Variants in CUL5 observed in about 807,000 individuals in gnomAD.
CUL5 encodes cullin 5, also known as cullin-5.
CUL5 carries 26 observed loss-of-function variants against 108.8 expected under a neutral mutation model. The observed-to-expected ratio is 0.24, with a 90% confidence interval of 0.18 to 0.33. The LOEUF (loss-of-function observed/expected upper bound fraction) is 0.33. Ranked by LOEUF, CUL5 falls within the 10% of genes least tolerant of loss-of-function variation. CUL5 has a pLI of 1.00. For missense variants in CUL5, 524 were observed against 909.2 expected, an observed-to-expected ratio of 0.58 and a Z score of 5.45; for synonymous variants, 334 against 298.0, an observed-to-expected ratio of 1.12 and a Z score of -1.25.
intron 8 of CUL5, 129 bp from the exon 9 acceptor site, chr11:108,072,203 A>G (rs767366473): frequency 9.7e-6 from 7 of 721,730 alleles, no homozygotes; most frequent in Non-Finnish European, 1.4e-5. Flanking sequence ...AACAACAAAA[A>G]AACGAACAAC....
At chr11:108,043,535 T>C (rs1862987932) in intron 2 of CUL5, among the ~76,000 whole-genome samples, 1 of 152,224 alleles carries the variant, frequency 6.6e-6, no homozygotes, top group African/African-American at 2.4e-5. Context: ...TTTGTAAAGA[T>C]CACTTTAGCT....
At position 108,068,435 on chromosome 11, in the gene CUL5, C is replaced by T. The variant is rs543365609; in HGVS notation, c.781-1661C>T. On this transcript the variant is annotated intron_variant, in intron 7 of 18. Coordinates refer to ENST00000393094, the MANE Select transcript of CUL5 (RefSeq NM_003478.6). ...CTGAGCTTAACTGACCCTCCCACCTCAGCCCCCCAACTCGCAGGGACCACA... is the reference window on the plus strand; with the variant it reads ...CTGAGCTTAACTGACCCTCCCACCTTAGCCCCCCAACTCGCAGGGACCACA... 2.6e-5 allele frequency among the ~76,000 whole-genome samples: 4 copies of T among 152,228 alleles called. No homozygotes were observed. The South Asian group carries it at 8.3e-4, about 32-fold the overall frequency.
rs779286436 is a variant in CUL5, at chr11:108,097,644, A to G, written c.1914A>G (p.Val638=). Residue 638 remains valine (V), a synonymous_variant, in exon 17 of 19, where the codon GTA becomes GTG. Coordinates refer to ENST00000393094, the MANE Select transcript of CUL5 (RefSeq NM_003478.6). ...AELRRTLWSL[V]AFPKLKRQVL... ...CTCCTTATTCTTCATAGTCTTTAGT[A>G]GCTTTCCCAAAACTCAAACGGCAAG... is the stretch of plus-strand genomic sequence containing the variant. 1 of 1,601,718 alleles carries G rather than the reference A, an allele frequency of 6.2e-7. No homozygotes were observed. The highest frequency in any genetic ancestry group is 8.6e-7 in the Non-Finnish European group (1 of 1,169,000).
intron 2 of CUL5, among the ~76,000 whole-genome samples, chr11:108,042,544 T>G (rs1279247261): frequency 1.3e-5 from 2 of 151,930 alleles, no homozygotes; most frequent in African/African-American, 4.8e-5. Flanking sequence ...TACTGTCGAT[T>G]TTTTTTGATA....
At chr11:108,026,576 C>T (rs1862456559) in intron 1 of CUL5, among the ~76,000 whole-genome samples, 1 of 152,134 alleles carries the variant, frequency 6.6e-6, no homozygotes, top group Non-Finnish European at 1.5e-5. Flanking sequence ...GATCCCATTC[C>T]CTCTTGCCTA....
At chr11:108,085,756 T>C (rs1285244981) in intron 11 of CUL5, among the ~76,000 whole-genome samples, 3 of 151,868 alleles carry the variant, frequency 2.0e-5, no homozygotes, top group Admixed American at 2.0e-4. Context: ...ATCCATAGAG[T>C]AGACTAGATG....
At chr11:108,061,096 A>G (rs528233084) in intron 7 of CUL5, among the ~76,000 whole-genome samples, 5 of 152,218 alleles carry the variant, frequency 3.3e-5, no homozygotes, top group African/African-American at 9.6e-5. Context: ...AGGCAAACAT[A>G]CAGGAGTTGA....
chr11:108,081,302 G>C (rs1249124544), intron 11 of CUL5, among the ~76,000 whole-genome samples: 1 of 151,878 alleles, frequency 6.6e-6, no homozygotes, highest in Non-Finnish European at 1.5e-5. Flanking sequence ...ACAACAACAA[G>C]AAAGAGTTTT....
chr11:108,033,336 C>T (rs530034735), intron 1 of CUL5, among the ~76,000 whole-genome samples: 7 of 152,130 alleles, frequency 4.6e-5, no homozygotes, highest in Admixed American at 6.5e-5. Context: ...TTTCAGTCTC[C>T]GTGTTGAGTG....
intron 1 of CUL5, among the ~76,000 whole-genome samples, chr11:108,030,543 A>G (rs1258914164): frequency 6.6e-6 from 1 of 152,222 alleles, no homozygotes; most frequent in African/African-American, 2.4e-5. Flanking sequence ...AAGCTGAGGC[A>G]GGAGAATCGC....
Position 108,010,960 on chromosome 11 carries a change from A to G in CUL5, c.24+1588A>G, listed in dbSNP as rs1380645408. Among the ~76,000 whole-genome samples the G allele has an allele frequency of 2.0e-5, 3 of 152,234 alleles. No homozygotes were observed. The South Asian group carries it at 6.2e-4, about 32-fold the overall frequency. On this transcript the variant is annotated intron_variant, in intron 1 of 18. Transcript: ENST00000393094. ...TAATTCTGAGTTAGAGGTTATAGTTAACTATGATCACGCCACTGCTCTGTG... is the reference window on the plus strand; with the variant it reads ...TAATTCTGAGTTAGAGGTTATAGTTGACTATGATCACGCCACTGCTCTGTG...
At chr11:108,072,928 C>T (rs938257730) in intron 9 of CUL5, among the ~76,000 whole-genome samples, 1 of 151,870 alleles carries the variant, frequency 6.6e-6, no homozygotes, top group African/African-American at 2.4e-5. Context: ...GGGAGCTGGG[C>T]AAGGTGGCTC....
At chr11:108,068,140 A>ACTC (rs536134296) in intron 7 of CUL5, among the ~76,000 whole-genome samples, 41 of 150,860 alleles carry the variant, frequency 2.7e-4, no homozygotes, top group Non-Finnish European at 4.6e-4. Flanking sequence ...CTGGTCTTGA[A>ACTC]CTCCTGACCT....
chr11:108,069,714 G>T (rs11828176), intron 7 of CUL5, among the ~76,000 whole-genome samples: 1 of 152,040 alleles, frequency 6.6e-6, no homozygotes, highest in Non-Finnish European at 1.5e-5. Flanking sequence ...GTGCCTGCAC[G>T]TAGTAGGCAT....
intron 7 of CUL5, 43 bp downstream of exon 7, chr11:108,054,998 A>T: frequency 7.7e-7 from 1 of 1,291,418 alleles, no homozygotes; most frequent in Non-Finnish European, 1.1e-6. Context: ...ATTATTTGAA[A>T]TACGGAAGCA....
intron 1 of CUL5, among the ~76,000 whole-genome samples, chr11:108,016,156 C>G (rs1350165543): frequency 6.6e-6 from 1 of 152,182 alleles, no homozygotes; most frequent in Non-Finnish European, 1.5e-5. Flanking sequence ...CTCCAGTGAT[C>G]TTCCTGCGTA....
rs773768416 is a variant in CUL5 at position 108,097,748 on chromosome 11, G to A, written c.2018G>A (p.Ser673Asn). The A allele has an allele frequency of 6.4e-7, 1 of 1,562,846 alleles. No homozygotes were observed. The highest frequency in any genetic ancestry group is 8.8e-7 in the Non-Finnish European group (1 of 1,135,266). The change falls in exon 17 of 19, where the codon AGT becomes AAT. Residue 673 changes from serine to asparagine, a missense_variant. Coordinates refer to ENST00000393094, the MANE Select transcript of CUL5 (RefSeq NM_003478.6). ...CTCTTCTCAGTGAACCAGGAGTTCA[G>A]TTTAATGTAAGCTCGTTAGTTGATC... is the stretch of plus-strand genomic sequence containing the variant. The part of the protein sequence containing the change: ...GTLFSVNQEF[S>N]LIKNAKVQKR...
At chr11:108,017,344 C>T (rs111333877) in intron 1 of CUL5, among the ~76,000 whole-genome samples, 8 of 140,956 alleles carry the variant, frequency 5.7e-5, no homozygotes, top group African/African-American at 1.9e-4. Context: ...GAATTGAGAT[C>T]GCACCACTGC....
intron 2 of CUL5, among the ~76,000 whole-genome samples, chr11:108,042,829 C>G (rs1366282062): frequency 6.6e-6 from 1 of 151,506 alleles, no homozygotes; most frequent in African/African-American, 2.4e-5. Flanking sequence ...GAAGTGCAGT[C>G]TTCGCTCACT....
Sources: gnomAD v4.1 joint callset for allele counts (sites outside exome capture counted in the v4.1 genomes callset) on GRCh38, gnomAD v4.1.1 for gene constraint, MANE v1.5 for transcripts, NCBI Gene and HGNC (gene_info 2026-07-23, HGNC 2026-07-21) for gene names.